Variants in CRIM1 observed in about 807,000 individuals in gnomAD.
The protein encoded by CRIM1 is cysteine-rich motor neuron 1 protein.
CRIM1 carries 32 observed loss-of-function variants against 116.4 expected under a neutral mutation model. The observed-to-expected ratio is 0.27, with a 90% CI of 0.21 to 0.37. CRIM1 has a LOEUF of 0.37. Ranked by LOEUF, CRIM1 falls within the 10% of genes least tolerant of loss-of-function variation. The pLI, the probability that CRIM1 is intolerant of heterozygous loss-of-function variation, is 1.00. For synonymous variants in CRIM1, 590 were observed against 509.2 expected, an observed-to-expected ratio of 1.16 and a Z score of -2.13; for missense variants, 1,331 against 1,354.8, an observed-to-expected ratio of 0.98 and a Z score of 0.28.
intron 7 of CRIM1, among the ~76,000 whole-genome samples, chr2:36,485,792 G>A (rs1679774581): frequency 6.6e-6 from 1 of 152,176 alleles, no homozygotes; most frequent in Non-Finnish European, 1.5e-5. Context: ...TATTGCTTCA[G>A]TGCCATATAC....
intron 4 of CRIM1, among the ~76,000 whole-genome samples, chr2:36,459,817 G>A (rs886836715): frequency 3.9e-5 from 6 of 152,038 alleles, no homozygotes; most frequent in African/African-American, 1.4e-4. Flanking sequence ...GGTGTGTGCA[G>A]GAACCAGTAG....
At chr2:36,393,277 A>G (rs1328865811) in intron 1 of CRIM1, among the ~76,000 whole-genome samples, 1 of 152,178 alleles carries the variant, frequency 6.6e-6, no homozygotes, top group Non-Finnish European at 1.5e-5. Context: ...TGTGCCTCAT[A>G]CAGTGCTGTA....
chr2:36,444,342 T>C (rs1001427339), intron 4 of CRIM1, among the ~76,000 whole-genome samples: 11 of 152,230 alleles, frequency 7.2e-5, no homozygotes, highest in African/African-American at 2.4e-4. Context: ...TGATGTTCTG[T>C]AATGAATTGG....
intron 13 of CRIM1, among the ~76,000 whole-genome samples, chr2:36,533,078 A>G (rs1378372271): frequency 6.6e-6 from 1 of 152,152 alleles, no homozygotes. Context: ...CTTCAGGCTG[A>G]GTGCTTAAAA....
At chr2:36,533,425 CAAA>C (rs35978594) in intron 13 of CRIM1, among the ~76,000 whole-genome samples, 8 of 99,400 alleles carry the variant, frequency 8.0e-5, no homozygotes, top group East Asian at 5.6e-4. Flanking sequence ...CCCATCTCCA[CAAA>C]AAAAAAAAAA....
Position 36,356,352 on chromosome 2 carries a change from G to A in CRIM1, c.60G>A (p.Leu20=), listed in dbSNP as rs1668797047. 3.1e-6 allele frequency: 5 copies of A among 1,592,368 alleles called. No individual in the cohort carries two copies. The highest frequency in any genetic ancestry group is 1.7e-5 in the Admixed American group (1 of 57,418). Residue 20 remains leucine, a synonymous_variant, in exon 1 of 17, where the codon CTG becomes CTA. Coordinates refer to ENST00000280527, the MANE Select transcript of CRIM1 (RefSeq NM_016441.3). This position sits in a 1 kb window ranked among gnomAD's most constrained non-coding sequence, Gnocchi z 4.3. ...LAGCGHLLVS[L]LGLLLLLARS... ...GCTGCGGGCACCTCCTGGTCTCGCT[G>A]CTGGGGCTGCTGCTGCTGCTGGCGC...
chr2:36,478,178 T>G (rs77724181), intron 6 of CRIM1, among the ~76,000 whole-genome samples: 2,073 of 152,332 alleles, frequency 0.014, 50 homozygotes, highest in African/African-American at 0.048. Context: ...AAAATTGCAT[T>G]CCTAACATAG....
chr2:36,546,882 A>G (rs1461245964), intron 15 of CRIM1, 102 bp from the exon 16 acceptor site: 1 of 656,298 alleles, frequency 1.5e-6, no homozygotes, highest in Non-Finnish European at 2.6e-6. Context: ...AAAACTGGGA[A>G]GCAATAAAAC....
chr2:36,386,579 C>T (rs925177245), intron 1 of CRIM1, among the ~76,000 whole-genome samples: 1 of 152,208 alleles, frequency 6.6e-6, no homozygotes, highest in Non-Finnish European at 1.5e-5. Flanking sequence ...TTCATGTGCT[C>T]GTCCTCTCTA....
At position 36,368,450 on chromosome 2, in the gene CRIM1, G is replaced by A. The variant is rs1189035558; in HGVS notation, c.331+11827G>A. 3.9e-5 allele frequency among the ~76,000 whole-genome samples: 6 copies of A among 152,236 alleles called. No homozygotes were observed. The South Asian group carries it at 6.2e-4, about 16-fold the overall frequency. ...TTTGCATGTTGTCCAGCGGCAGGACGTTGAGCAAGGTTAGGTAGTATGAAC... is the reference window on the plus strand; with the variant it reads ...TTTGCATGTTGTCCAGCGGCAGGACATTGAGCAAGGTTAGGTAGTATGAAC... On this transcript the variant is annotated intron_variant, in intron 1 of 16. Transcript: ENST00000280527.
At chr2:36,434,850 A>G (rs1675175603) in intron 2 of CRIM1, among the ~76,000 whole-genome samples, 1 of 152,006 alleles carries the variant, frequency 6.6e-6, no homozygotes, top group African/African-American at 2.4e-5. Flanking sequence ...CATTTTTGCC[A>G]TTCCCTTTGT....
At chr2:36,397,460 A>G (rs558435586) in intron 2 of CRIM1, among the ~76,000 whole-genome samples, 2 of 152,312 alleles carry the variant, frequency 1.3e-5, no homozygotes, top group Admixed American at 6.5e-5. Context: ...GCCATGGCTC[A>G]TAGCCAAAAG....
At chr2:36,544,564 T>C in intron 15 of CRIM1, 66 bp downstream of exon 15, 1 of 1,305,468 alleles carries the variant, frequency 7.7e-7, no homozygotes, top group Non-Finnish European at 9.8e-7. Context: ...TTTTCTAATT[T>C]TTAAAATTTC....
At position 36,467,185 on chromosome 2, in the gene CRIM1, C is replaced by A. The variant is rs112072738; in HGVS notation, c.991+2530C>A. On this transcript the variant is annotated intron_variant, in intron 5 of 16. Coordinates refer to ENST00000280527, the MANE Select transcript of CRIM1 (RefSeq NM_016441.3). ...CTACATCTCTGGTCGTTGCTTCTTT[C>A]TTGCCACCATAAACTTGTTGAGTGA... Among the ~76,000 whole-genome samples the A allele has an allele frequency of 7.2e-3, 1,094 of 152,308 alleles. 13 individuals are homozygous for A. The highest frequency in any genetic ancestry group is 0.024 in the African/African-American group (1,015 of 41,560).
chr2:36,503,799 A>AC (rs536437099), intron 8 of CRIM1, among the ~76,000 whole-genome samples: 161 of 152,046 alleles, frequency 1.1e-3, no homozygotes, highest in African/African-American at 3.8e-3. Context: ...TCCCATCAAA[A>AC]CCTTTTTCAC....
At chr2:36,534,730 A>AC (rs1666410582) in intron 13 of CRIM1, among the ~76,000 whole-genome samples, 3 of 150,506 alleles carry the variant, frequency 2.0e-5, no homozygotes, top group African/African-American at 7.3e-5. Flanking sequence ...GAAAAGGAAG[A>AC]TGGAAGGAAG....
intron 2 of CRIM1, among the ~76,000 whole-genome samples, chr2:36,427,222 G>GAA (rs1363782417): frequency 6.6e-6 from 1 of 151,632 alleles, no homozygotes; most frequent in Non-Finnish European, 1.5e-5. Context: ...AGAAAGAAAA[G>GAA]AAAAAGAAGA....
chr2:36,536,854 C>A (rs538080224), intron 13 of CRIM1, among the ~76,000 whole-genome samples: 2 of 151,886 alleles, frequency 1.3e-5, no homozygotes, highest in African/African-American at 4.8e-5. Context: ...TAGAAATGTC[C>A]TTGTAGGTGA....
intron 1 of CRIM1, among the ~76,000 whole-genome samples, chr2:36,358,444 A>G (rs1669001332): frequency 6.6e-6 from 1 of 152,204 alleles, no homozygotes; most frequent in Non-Finnish European, 1.5e-5. Context: ...GAAGATTCTA[A>G]CCCTTGTTTT....
Sources: allele counts gnomAD v4.1 joint callset (sites outside exome capture counted in the v4.1 genomes callset), GRCh38; gene constraint gnomAD v4.1.1; non-coding constraint Gnocchi (gnomAD v3.1); transcripts MANE v1.5; gene names NCBI Gene and HGNC (gene_info 2026-07-23, HGNC 2026-07-21).